Variants in TMEM184B observed in about 807,000 individuals in gnomAD.
TMEM184B encodes transmembrane protein 184B, also known as putative MAPK-activating protein FM08.
Under a neutral mutation model 41.8 loss-of-function variants are expected in TMEM184B, and 17 were observed. The ratio of observed to expected loss-of-function variants is 0.41; its 90% CI spans 0.28 to 0.61. The LOEUF (loss-of-function observed/expected upper bound fraction) is 0.61. Ranked by LOEUF, TMEM184B falls within the 20% of genes least tolerant of loss-of-function variation. The pLI, the probability that TMEM184B is intolerant of heterozygous loss-of-function variation, is 0.34. For missense variants in TMEM184B, 393 were observed against 557.8 expected (o/e 0.70, Z 2.98); for synonymous variants, 240 against 229.5 (o/e 1.05, Z -0.41).
rs1671247395 is a variant in TMEM184B, at chr22:38,226,724, C to A, written c.617+55G>T. 7 of 1,525,516 alleles carry A rather than the reference C, an allele frequency of 4.6e-6. No individual in the cohort carries two copies. Among genetic ancestry groups the A allele is most frequent in the Middle Eastern group, 3.5e-4 (2 of 5,782 alleles). The allele number at this position is 1,525,516 out of a possible 1,614,324, so 94.5% of individuals were successfully genotyped here. A position where few individuals can be genotyped will look rare whatever the true frequency, so the allele number is the denominator to read the frequency against. On this transcript the variant is annotated intron_variant, in intron 6 of 8. Transcript: ENST00000361906. This position sits in a 1 kb window ranked among gnomAD's most constrained non-coding sequence, Gnocchi z 4.6. Reference sequence around the variant, plus strand: ...GGCTGCCCCCTTCCCTGAGCCAAGGCACCAGCCTGCGCCAACACTCCTCCC... The same window carrying A: ...GGCTGCCCCCTTCCCTGAGCCAAGGAACCAGCCTGCGCCAACACTCCTCCC...
Position 38,221,313 on chromosome 22 carries a change from G to T in TMEM184B, c.*156C>A. ...CCATGGGCGAGCCTGGCTGTCCCCC[G>T]TTCCTCTGGAAGTGACATGTGAGTG... On this transcript the variant is annotated 3_prime_UTR_variant, in exon 9 of 9. Transcript: ENST00000361906. 1 of 1,436,466 alleles carries T rather than the reference G, an allele frequency of 7.0e-7. No individual in the cohort carries two copies. The highest frequency in any genetic ancestry group is 1.4e-5 in the African/African-American group (1 of 69,494). 89.0% of individuals were successfully genotyped at this position (1,436,466 alleles called of 1,614,324 possible).
rs1488399306 is a variant in TMEM184B at position 38,220,772 on chromosome 22, CAG to C, written c.*695_*696del. 1.0e-6 allele frequency: 1 copy of C among 986,106 alleles called. No homozygotes were observed. The highest frequency in any genetic ancestry group is 1.2e-6 in the Non-Finnish European group (1 of 830,240). The allele number at this position is 986,106 out of a possible 1,614,324, so 61.1% of individuals were successfully genotyped here. ...CCAGGGGGAAGGGGCATGAGGCAGG[CAG>C]AGGTGTGGCCACGACAGGTGGGGAT... On this transcript the variant is annotated 3_prime_UTR_variant, in exon 9 of 9. Coordinates refer to ENST00000361906, the MANE Select transcript of TMEM184B (RefSeq NM_012264.5).
intron 2 of TMEM184B, chr22:38,246,844 C>G: frequency 7.7e-7 from 1 of 1,302,466 alleles, no homozygotes; most frequent in Non-Finnish European, 1.0e-6. Flanking sequence ...GTGTCTCGTC[C>G]CAGCTCTCAT....
Position 38,221,464 on chromosome 22 carries a change from C to T in TMEM184B, c.*5G>A, listed in dbSNP as rs774571251. The T allele has an allele frequency of 7.5e-6, 12 of 1,595,818 alleles. No homozygotes were observed. Among genetic ancestry groups the T allele is most frequent in the East Asian group, 2.2e-5 (1 of 44,676 alleles). On this transcript the variant is annotated 3_prime_UTR_variant, in exon 9 of 9. Coordinates refer to ENST00000361906, the MANE Select transcript of TMEM184B (RefSeq NM_012264.5). ...CGCCAGCACTTCCGCCACTGCAGCC[C>T]GCACCTAGAATTCATCATCAGAGCT... is the stretch of plus-strand genomic sequence containing the variant.
At chr22:38,216,463 T>C (rs371972049), downstream of TMEM184B, 3 of 167,122 alleles carry the variant, frequency 1.8e-5, no homozygotes, top group Non-Finnish European at 2.9e-5. Flanking sequence ...CTGTATTTTG[T>C]AGACTTTCTA....
intron 8 of TMEM184B, chr22:38,222,788 A>C: frequency 1.2e-6 from 1 of 827,720 alleles, no homozygotes; most frequent in Non-Finnish European, 1.5e-6. Context: ...CACCAGCACG[A>C]CACACCACAC....
At chr22:38,246,249 G>T in intron 2 of TMEM184B, 149 bp from the exon 3 acceptor site, 1 of 994,284 alleles carries the variant, frequency 1.0e-6, no homozygotes, top group Non-Finnish European at 1.4e-6. Context: ...GCAAAATGCG[G>T]GATGACAGGA....
At chr22:38,217,468 G>A (rs1290876175), downstream of TMEM184B, among the ~76,000 whole-genome samples, 4 of 147,592 alleles carry the variant, frequency 2.7e-5, no homozygotes, top group East Asian at 2.0e-4. Flanking sequence ...GTGAAACCCC[G>A]TCTCTACTAA....
chr22:38,245,799 A>C (rs1602437061), intron 3 of TMEM184B, 136 bp downstream of exon 3: 2 of 936,104 alleles, frequency 2.1e-6, no homozygotes, highest in East Asian at 5.3e-5. Context: ...TTTGGGACAG[A>C]AACCCTGTAG....
At chr22:38,254,561 C>T (rs2092240901) in intron 1 of TMEM184B, among the ~76,000 whole-genome samples, 1 of 151,978 alleles carries the variant, frequency 6.6e-6, no homozygotes, top group South Asian at 2.1e-4. Flanking sequence ...GATCACACCA[C>T]CGCACTCCAG....
intron 3 of TMEM184B, among the ~76,000 whole-genome samples, chr22:38,244,702 C>T (rs766641823): frequency 6.6e-6 from 1 of 152,224 alleles, no homozygotes; most frequent in Non-Finnish European, 1.5e-5. Flanking sequence ...GTGATCTGCC[C>T]GCCTCGGCCT....
intron 2 of TMEM184B, chr22:38,246,602 G>A (rs918607535): frequency 3.3e-5 from 10 of 304,328 alleles, no homozygotes; most frequent in Non-Finnish European, 5.7e-5. Context: ...ACGCTATGGC[G>A]GGTGGACACA....
In TMEM184B at chr22:38,246,735, GA is replaced by G. The variant is rs978910392; in HGVS notation, c.193-636del. On this transcript the variant is annotated intron_variant, in intron 2 of 8. Transcript: ENST00000361906. ...CAGCTACCTCACCAGGAAGTTAGGAGAATGAATGCTACTTTTAGGAAGCAGA... is the reference window on the plus strand; with the variant it reads ...CAGCTACCTCACCAGGAAGTTAGGAGATGAATGCTACTTTTAGGAAGCAGA... 7 of 1,133,134 alleles carry G rather than the reference GA, an allele frequency of 6.2e-6. No homozygotes were observed. In the African/African-American group the frequency reaches 9.9e-5, roughly 16 times the overall value. The allele number at this position is 1,133,134 out of a possible 1,614,324, so 70.2% of individuals were successfully genotyped here. A position where few individuals can be genotyped will look rare whatever the true frequency, so the allele number is the denominator to read the frequency against.
chr22:38,222,093 G>A (rs2091277044), intron 8 of TMEM184B: 1 of 230,418 alleles, frequency 4.3e-6, no homozygotes, highest in South Asian at 7.0e-5. Flanking sequence ...AGAGGGCCTG[G>A]AAGCCAGGGG....
chr22:38,238,196 A>C (rs1299591605), intron 3 of TMEM184B, among the ~76,000 whole-genome samples: 1 of 148,902 alleles, frequency 6.7e-6, no homozygotes, highest in East Asian at 2.0e-4. Context: ...GCTTCTTCTG[A>C]ATGTCTTTCT....
chr22:38,228,742 C>A (rs1031028423), intron 5 of TMEM184B, among the ~76,000 whole-genome samples: 2 of 152,262 alleles, frequency 1.3e-5, no homozygotes, highest in East Asian at 3.9e-4. Context: ...AAGGAAGAGG[C>A]CTCTTTTGTT....
In TMEM184B at chr22:38,272,993, T is replaced by A; in HGVS notation, c.-168A>T. ...CGGAGTCTCCGCCGCCGCCGGCGCG[T>A]CCCGGGCCCAGTGGAGTGCAGCCGC... On this transcript the variant is annotated 5_prime_UTR_variant, in exon 1 of 9. Transcript: ENST00000361906. The A allele has an allele frequency of 5.1e-6, 1 of 196,274 alleles. No individual in the cohort carries two copies. Among genetic ancestry groups the A allele is most frequent in the Non-Finnish European group, 9.1e-6 (1 of 109,324 alleles). The allele number at this position is 196,274 out of a possible 1,614,324, so 12.2% of individuals were successfully genotyped here. A position where few individuals can be genotyped will look rare whatever the true frequency, so the allele number is the denominator to read the frequency against.
chr22:38,247,558 C>G (rs1401963268), intron 2 of TMEM184B, among the ~76,000 whole-genome samples: 1 of 152,192 alleles, frequency 6.6e-6, no homozygotes, highest in Admixed American at 6.5e-5. Flanking sequence ...CAAGATCGCA[C>G]CACTGTACTC....
chr22:38,223,585 C>T (rs1015782328), intron 8 of TMEM184B: 4 of 152,312 alleles, frequency 2.6e-5, no homozygotes, highest in African/African-American at 9.6e-5. Context: ...TCCACACCAC[C>T]CACCACGGAG....
Sources: gnomAD v4.1 joint callset for allele counts (sites outside exome capture counted in the v4.1 genomes callset) on GRCh38, gnomAD v4.1.1 for gene constraint, Gnocchi (gnomAD v3.1) non-coding constraint, MANE v1.5 for transcripts, NCBI Gene and HGNC (gene_info 2026-07-23, HGNC 2026-07-21) for gene names.